PTPRT: variants seen among roughly 807,000 people sequenced by gnomAD.
PTPRT encodes the protein receptor-type tyrosine-protein phosphatase T.
A neutral mutation model predicts 176.8 loss-of-function variants in PTPRT; 56 were observed. The ratio of observed to expected loss-of-function variants is 0.32; its 90% CI spans 0.26 to 0.40. PTPRT has a LOEUF of 0.40. Ranked by LOEUF, PTPRT falls within the 10% of genes least tolerant of loss-of-function variation. PTPRT has a pLI of 1.00. For synonymous variants in PTPRT, 783 were observed against 739.0 expected (o/e 1.06, Z -0.96); for missense variants, 1,540 against 1,908.2 (o/e 0.81, Z 3.60).
At chr20:42,253,746 A>T (rs2056588256) in intron 13 of PTPRT, among the ~76,000 whole-genome samples, 1 of 152,136 alleles carries the variant, frequency 6.6e-6, no homozygotes, top group African/African-American at 2.4e-5. Context: ...GCTTGTACTG[A>T]CAGGAGACTC....
At position 42,352,251 on chromosome 20, in the gene PTPRT, C is replaced by G. The variant is rs2058295458; in HGVS notation, c.1595G>C (p.Ser532Thr). The G allele has an allele frequency of 6.2e-7, 1 of 1,614,002 alleles. No homozygotes were observed. The highest frequency in any genetic ancestry group is 1.7e-5 in the Admixed American group (1 of 59,996). The change falls in exon 10 of 31, where the codon AGT becomes ACT. Residue 532 changes from serine (S) to threonine (T), a missense_variant. Around this residue, in one of 11 missense-constraint regions of PTPRT, gnomAD observed 136 missense variants for 135.0 expected, o/e 1.01. Transcript: ENST00000373187. The part of the protein sequence containing the change: ...NYKAVGSLDP[S>T]ADLSSQRGKV... ...CCCCCTCTGGCTCGAGAGGTCAGCA[C>G]TTGGGTCCAGCGAGCCGACAGCCTT...
Position 42,074,591 on chromosome 20 carries a change from T to C in PTPRT, c.*6288A>G, listed in dbSNP as rs2146051170. 2.5e-6 allele frequency: 1 copy of C among 393,546 alleles called. No homozygotes were observed. Among genetic ancestry groups the C allele is most frequent in the South Asian group, 1.4e-4 (1 of 6,962 alleles). The allele number at this position is 393,546 out of a possible 1,614,324, so 24.4% of individuals were successfully genotyped here. On this transcript the variant is annotated 3_prime_UTR_variant, in exon 31 of 31. Coordinates refer to ENST00000373187, the MANE Select transcript of PTPRT (RefSeq NM_007050.6). ...ATCAAGCCCCTAAAACTCTTCCCAA[T>C]AGATTTTCTTTCATCCTGAGCCCTT...
At chr20:42,184,115 T>C (rs563475897) in intron 16 of PTPRT, among the ~76,000 whole-genome samples, 1 of 152,232 alleles carries the variant, frequency 6.6e-6, no homozygotes, top group East Asian at 1.9e-4. Context: ...ACAAGAGCTG[T>C]CACAGTCATC....
At chr20:42,402,625 G>A (rs1022238883) in intron 9 of PTPRT, among the ~76,000 whole-genome samples, 4 of 151,906 alleles carry the variant, frequency 2.6e-5, no homozygotes, top group Admixed American at 1.3e-4. Context: ...AGAGGGAGGC[G>A]GTGGTGTGGG....
chr20:42,819,648 A>T (rs1452657673), intron 2 of PTPRT, among the ~76,000 whole-genome samples: 1 of 152,212 alleles, frequency 6.6e-6, no homozygotes, highest in Non-Finnish European at 1.5e-5. Context: ...TGCTGTATTC[A>T]GGAGACCCAA....
chr20:42,977,378 C>A (rs947918950), intron 1 of PTPRT, among the ~76,000 whole-genome samples: 2 of 152,148 alleles, frequency 1.3e-5, no homozygotes, highest in African/African-American at 4.8e-5. Flanking sequence ...CTCTTCCACC[C>A]AAAACTTTTT....
intron 5 of PTPRT, among the ~76,000 whole-genome samples, chr20:42,760,282 C>T (rs1378460475): frequency 6.6e-6 from 1 of 152,088 alleles, no homozygotes; most frequent in East Asian, 1.9e-4. Flanking sequence ...TGGCACTTTC[C>T]TGTCTCTGCC....
intron 6 of PTPRT, among the ~76,000 whole-genome samples, chr20:42,710,664 G>C (rs1381541339): frequency 6.6e-6 from 1 of 152,274 alleles, no homozygotes; most frequent in African/African-American, 2.4e-5. Flanking sequence ...CAGTGCCATG[G>C]AGAAATGTGG....
intron 6 of PTPRT, among the ~76,000 whole-genome samples, chr20:42,708,057 T>C (rs931628846): frequency 5.3e-5 from 8 of 152,134 alleles, no homozygotes; most frequent in Admixed American, 2.6e-4. Context: ...ATTATAAAAA[T>C]GCTAAAGGTC....
intron 5 of PTPRT, among the ~76,000 whole-genome samples, chr20:42,760,233 A>G (rs1432398851): frequency 1.3e-5 from 2 of 152,292 alleles, no homozygotes; most frequent in Non-Finnish European, 2.9e-5. Context: ...TTGCCTGCAA[A>G]GGGGATCTGT....
At chr20:42,645,764 A>ATGTGTGTGTGTGTGTGTGTGTGTGTGTG (rs59454108) in intron 7 of PTPRT, among the ~76,000 whole-genome samples, 1 of 139,480 alleles carries the variant, frequency 7.2e-6, no homozygotes, top group African/African-American at 2.6e-5. Context: ...ATGTGTATTT[A>ATGTGTGTGTGTGTGTGTGTGTGTGTGTG]TGTGTGTGTG....
chr20:42,963,022 C>T (rs1489228682), intron 1 of PTPRT, among the ~76,000 whole-genome samples: 2 of 152,002 alleles, frequency 1.3e-5, no homozygotes, highest in African/African-American at 4.8e-5. Context: ...CATGGTGAAA[C>T]CCCGTCTCTA....
chr20:43,015,062 G>A (rs1420034411), intron 1 of PTPRT, among the ~76,000 whole-genome samples: 2 of 152,192 alleles, frequency 1.3e-5, no homozygotes, highest in African/African-American at 4.8e-5. Flanking sequence ...TTTATGCCCT[G>A]TATAAACTTT....
chr20:42,839,748 A>G (rs1210685489), intron 2 of PTPRT, among the ~76,000 whole-genome samples: 2 of 152,156 alleles, frequency 1.3e-5, no homozygotes, highest in East Asian at 1.9e-4. Flanking sequence ...ACTACTGGGA[A>G]CTGGATCCCT....
At chr20:42,481,306 A>G (rs966311473) in intron 7 of PTPRT, among the ~76,000 whole-genome samples, 1 of 152,164 alleles carries the variant, frequency 6.6e-6, no homozygotes, top group African/African-American at 2.4e-5. Flanking sequence ...CATGGCTAAC[A>G]CAGTACTGTT....
intron 1 of PTPRT, among the ~76,000 whole-genome samples, chr20:42,970,076 T>G (rs1982534718): frequency 1.3e-5 from 2 of 152,152 alleles, no homozygotes; most frequent in African/African-American, 4.8e-5. Context: ...ATCAGTGGGC[T>G]TTGCTACCTT....
chr20:42,551,346 A>G (rs1296379129), intron 7 of PTPRT, among the ~76,000 whole-genome samples: 1 of 152,140 alleles, frequency 6.6e-6, no homozygotes, highest in Non-Finnish European at 1.5e-5. Flanking sequence ...GGCACACACA[A>G]AAAGCAATTT....
In PTPRT at chr20:43,072,606, C is replaced by T. The variant is rs138092809; in HGVS notation, c.88+117040G>A. Among the ~76,000 whole-genome samples the T allele has an allele frequency of 9.0e-4, 137 of 152,274 alleles. 1 individual carries two copies. In the East Asian group the frequency reaches 0.01, roughly 11 times the overall value. On this transcript the variant is annotated intron_variant, in intron 1 of 30. Transcript: ENST00000373187. ...CCCAGTGCTAGCTGCTTGCAAATTA[C>T]CCATGTAGAAAATTGCCCAAACTTT...
chr20:42,890,323 G>A (rs755992405), intron 1 of PTPRT, among the ~76,000 whole-genome samples: 3 of 152,162 alleles, frequency 2.0e-5, no homozygotes, highest in Non-Finnish European at 2.9e-5. Context: ...TTGAGAAACA[G>A]AGTGGCTATG....
Sources: allele counts gnomAD v4.1 joint callset (sites outside exome capture counted in the v4.1 genomes callset), GRCh38; gene constraint gnomAD v4.1.1; regional missense constraint gnomAD v4.1.1; transcripts MANE v1.5; gene names NCBI Gene and HGNC (gene_info 2026-07-23, HGNC 2026-07-21).